Variants in TRAF7 observed in about 807,000 individuals in gnomAD.
The protein encoded by TRAF7 is E3 ubiquitin-protein ligase TRAF7.
A neutral mutation model predicts 89.3 loss-of-function variants in TRAF7; 45 were observed. The observed-to-expected ratio is 0.50, with a 90% CI of 0.40 to 0.65. The LOEUF (loss-of-function observed/expected upper bound fraction) is 0.65, where lower values mean the gene tolerates loss of function less well. Ranked by LOEUF, TRAF7 falls within the 30% of genes least tolerant of loss-of-function variation. TRAF7 has a pLI of 0.00. For missense variants in TRAF7, 677 were observed against 918.1 expected, an observed-to-expected ratio of 0.74 and a Z score of 3.39; for synonymous variants, 406 against 369.2, an observed-to-expected ratio of 1.10 and a Z score of -1.14.
Position 2,173,322 on chromosome 16 carries a change from T to C in TRAF7, c.935T>C (p.Ile312Thr). 1 of 1,613,222 alleles carries C rather than the reference T, an allele frequency of 6.2e-7. No individual in the cohort carries two copies. The highest frequency in any genetic ancestry group is 8.5e-7 in the Non-Finnish European group (1 of 1,179,936). ...HVALAQKDQE[I>T]AFLRSMLGKL... ...GCTCTGGCCCAGAAGGACCAGGAGATCGCCTTCCTGCGCTCCATGCTGGGA... is the reference window on the plus strand; with the variant it reads ...GCTCTGGCCCAGAAGGACCAGGAGACCGCCTTCCTGCGCTCCATGCTGGGA... The change falls in exon 10 of 21, where the codon ATC becomes ACC. Residue 312 changes from isoleucine to threonine, a missense_variant. Physicochemically the swap from Ile to Thr is moderately conservative, Grantham distance 89. Coordinates refer to ENST00000326181, the MANE Select transcript of TRAF7 (RefSeq NM_032271.3).
Position 2,176,722 on chromosome 16 carries a change from C to T in TRAF7, c.*148C>T. On this transcript the variant is annotated 3_prime_UTR_variant, in exon 21 of 21. Coordinates refer to ENST00000326181, the MANE Select transcript of TRAF7 (RefSeq NM_032271.3). ...GCAGCCGGGCAGTGCCCTCCCCGTCCCATGCTCGGCGAGCCTCCCTCTACT... is the reference window on the plus strand; with the variant it reads ...GCAGCCGGGCAGTGCCCTCCCCGTCTCATGCTCGGCGAGCCTCCCTCTACT... 1 of 1,184,122 alleles carries T rather than the reference C, an allele frequency of 8.4e-7. No individual in the cohort carries two copies. Among genetic ancestry groups the T allele is most frequent in the Non-Finnish European group, 1.2e-6 (1 of 821,398 alleles). The allele number at this position is 1,184,122 out of a possible 1,614,324, so 73.4% of individuals were successfully genotyped here.
chr16:2,172,975 C>T (rs954152610), intron 9 of TRAF7, among the ~76,000 whole-genome samples: 2 of 151,918 alleles, frequency 1.3e-5, no homozygotes, highest in Admixed American at 6.6e-5. Context: ...CCTTGAAGAG[C>T]TCTGCGGGGG....
chr16:2,170,529 G>T, intron 4 of TRAF7, 85 bp from the exon 5 acceptor site: 1 of 1,017,294 alleles, frequency 9.8e-7, no homozygotes, highest in Admixed American at 1.9e-5. Flanking sequence ...TGCTGCCCTC[G>T]CGCTTCCGCC....
Position 2,173,273 on chromosome 16 carries a change from G to A in TRAF7, c.886G>A (p.Asp296Asn). 1 of 1,613,540 alleles carries A rather than the reference G, an allele frequency of 6.2e-7. No homozygotes were observed. Among genetic ancestry groups the A allele is most frequent in the Non-Finnish European group, 8.5e-7 (1 of 1,180,008 alleles). ...GLKEFLQQTD[D>N]RFHEMHVALA... is the part of the protein sequence containing the mutation. ...GAAGGAGTTTCTGCAGCAGACGGAT[G>A]ACCGCTTCCACGAGATGCACGTGGC... Residue 296 changes from aspartate to asparagine, a missense_variant, in exon 10 of 21, where the codon GAC becomes AAC. Asp to Asn is a conservative substitution (Grantham distance 23). This residue lies in a region of TRAF7 where 238 missense variants were observed against 352.6 expected (regional missense o/e 0.67). Coordinates refer to ENST00000326181, the MANE Select transcript of TRAF7 (RefSeq NM_032271.3).
At chr16:2,157,961 C>T (rs2093042365) in intron 1 of TRAF7, among the ~76,000 whole-genome samples, 1 of 152,190 alleles carries the variant, frequency 6.6e-6, no homozygotes, top group African/African-American at 2.4e-5. Flanking sequence ...CTCTCGGCTC[C>T]TTCCAGACAG....
chr16:2,171,447 C>G (rs2093110167), intron 6 of TRAF7, 91 bp downstream of exon 6: 1 of 1,545,316 alleles, frequency 6.5e-7, no homozygotes, highest in East Asian at 2.4e-5. Context: ...GCGCCCTGGC[C>G]TTGGTCAAGG....
In TRAF7 at chr16:2,175,169, CG is replaced by C. The variant is rs777744309; in HGVS notation, c.1386+22del. ...CATCATTGTGAGTGGGGCCTACAGGCGGGTGGGCAGGAGGCGGCCCAGGCCC... is the reference window on the plus strand; with the variant it reads ...CATCATTGTGAGTGGGGCCTACAGGCGGTGGGCAGGAGGCGGCCCAGGCCC... On this transcript the variant is annotated intron_variant, in intron 15 of 20. Transcript: ENST00000326181. 1 of 1,613,404 alleles carries C rather than the reference CG, an allele frequency of 6.2e-7. No homozygotes were observed. Among genetic ancestry groups the C allele is most frequent in the African/African-American group, 1.3e-5 (1 of 75,046 alleles).
At chr16:2,174,213 G>T (rs746775500) in intron 13 of TRAF7, 38 bp from the exon 14 acceptor site, 2 of 1,606,668 alleles carry the variant, frequency 1.2e-6, no homozygotes, top group Admixed American at 1.7e-5. Context: ...ACACTGGGCT[G>T]ACCTTGCTGG....
chr16:2,165,845 G>T (rs376882349), intron 2 of TRAF7, 34 bp from the exon 3 acceptor site: 3 of 1,613,650 alleles, frequency 1.9e-6, no homozygotes, highest in South Asian at 1.1e-5. Flanking sequence ...TTGTGTCCCG[G>T]AATGAGGCCA....
rs1308788546 is a variant in TRAF7, at chr16:2,158,410, C to T, written c.-39+2552C>T. On this transcript the variant is annotated intron_variant, in intron 1 of 20. Coordinates refer to ENST00000326181, the MANE Select transcript of TRAF7 (RefSeq NM_032271.3). The surrounding 1 kb of genome is among the most constrained non-coding windows in gnomAD (Gnocchi z 4.7). ...GCTGGTCACGTGTAGACCCGGACACCCTCACCCGGCTGGAGGAAGCCGGCT... is the reference window on the plus strand; with the variant it reads ...GCTGGTCACGTGTAGACCCGGACACTCTCACCCGGCTGGAGGAAGCCGGCT... Among the ~76,000 whole-genome samples the T allele has an allele frequency of 1.3e-5, 2 of 152,264 alleles. No individual in the cohort carries two copies. The highest frequency in any genetic ancestry group is 1.9e-4 in the East Asian group (1 of 5,168).
Position 2,168,331 on chromosome 16 carries a change from G to A in TRAF7, c.231+163G>A, listed in dbSNP as rs2093095112. 3.4e-6 allele frequency: 2 copies of A among 590,566 alleles called. No individual in the cohort carries two copies. Among genetic ancestry groups the A allele is most frequent in the South Asian group, 2.1e-5 (1 of 47,984 alleles). The allele number at this position is 590,566 out of a possible 1,614,324, so 36.6% of individuals were successfully genotyped here. Reference sequence around the variant, plus strand: ...GCCTCGGCAGACATGGCAAGTCTGTGAGAAAGGAGGCTCCTGTGGCTGGAC... The same window carrying A: ...GCCTCGGCAGACATGGCAAGTCTGTAAGAAAGGAGGCTCCTGTGGCTGGAC... On this transcript the variant is annotated intron_variant, in intron 4 of 20. Coordinates refer to ENST00000326181, the MANE Select transcript of TRAF7 (RefSeq NM_032271.3). The surrounding 1 kb of genome is among the most constrained non-coding windows in gnomAD (Gnocchi z 4.1).
rs757638568 is a variant in TRAF7 at position 2,168,998 on chromosome 16, T to A, written c.231+830T>A. Among the ~76,000 whole-genome samples, 19 of 152,184 alleles carry A rather than the reference T, an allele frequency of 1.2e-4. No homozygotes were observed. Among genetic ancestry groups the A allele is most frequent in the Non-Finnish European group, 2.5e-4 (17 of 68,028 alleles). On this transcript the variant is annotated intron_variant, in intron 4 of 20. Transcript: ENST00000326181. The surrounding 1 kb of genome is among the most constrained non-coding windows in gnomAD (Gnocchi z 4.1). ...CCTTTTCTTTTTTCCTTTTTTCTTT[T>A]TTTTGAGACGGACTTTTGCTCTTGC...
intron 4 of TRAF7, among the ~76,000 whole-genome samples, chr16:2,169,619 A>G (rs1005987407): frequency 6.6e-6 from 1 of 152,154 alleles, no homozygotes; most frequent in Non-Finnish European, 1.5e-5. Flanking sequence ...AGTATTGGGC[A>G]GGCCCGGGAG....
At position 2,170,860 on chromosome 16, in the gene TRAF7, G is replaced by T. The variant is rs376478546; in HGVS notation, c.348+130G>T. On this transcript the variant is annotated intron_variant, in intron 5 of 20. Transcript: ENST00000326181. ...GGGCGGCTGGGGCCTGACGGGAACT[G>T]CAGTGCTTGCTGGTCCGTGGTGGGG... 4.6e-6 allele frequency: 4 copies of T among 866,568 alleles called. No homozygotes were observed. The African/African-American group carries it at 6.7e-5, about 14-fold the overall frequency. 53.7% of individuals were successfully genotyped at this position (866,568 alleles called of 1,614,324 possible). A position where few individuals can be genotyped will look rare whatever the true frequency, so the allele number is the denominator to read the frequency against.
rs748002027 is a variant in TRAF7, at chr16:2,161,305, A to G, written c.-38-2578A>G. 1.6e-4 allele frequency among the ~76,000 whole-genome samples: 24 copies of G among 149,834 alleles called. No homozygotes were observed. The highest frequency in any genetic ancestry group is 3.4e-4 in the Non-Finnish European group (23 of 67,546). ...CGATGGGGTCTTGCGCACACCCCACAGATCCTGTGGTGTTGTCCCCGTGGC... is the reference window on the plus strand; with the variant it reads ...CGATGGGGTCTTGCGCACACCCCACGGATCCTGTGGTGTTGTCCCCGTGGC... On this transcript the variant is annotated intron_variant, in intron 1 of 20. Coordinates refer to ENST00000326181, the MANE Select transcript of TRAF7 (RefSeq NM_032271.3). This position sits in a 1 kb window ranked among gnomAD's most constrained non-coding sequence, Gnocchi z 5.2.
chr16:2,176,455 G>A (rs762676571), intron 20 of TRAF7, 71 bp downstream of exon 20: 224 of 1,612,588 alleles, frequency 1.4e-4, no homozygotes, highest in Non-Finnish European at 1.8e-4. Context: ...CGAGGAGCTG[G>A]CAGCCCCAGC....
intron 12 of TRAF7, 23 bp downstream of exon 12, chr16:2,173,859 T>TTCCCCCCCCCCCCCCCCCCCCCC: frequency 1.3e-5 from 16 of 1,246,244 alleles, no homozygotes; most frequent in Admixed American, 4.0e-5. Flanking sequence ...CCGCCGTGGC[T>TTCCCCCCCCCCCCCCCCCCCCCC]CCCGCCCACC....
At chr16:2,167,074 G>T (rs1253218160) in intron 3 of TRAF7, among the ~76,000 whole-genome samples, 1 of 152,176 alleles carries the variant, frequency 6.6e-6, no homozygotes, top group East Asian at 1.9e-4. Context: ...CCCCTCAGGG[G>T]CTCTCCAGGG....
At chr16:2,173,858 C>CGGGGCGG in intron 12 of TRAF7, 22 bp downstream of exon 12, 1 of 1,599,260 alleles carries the variant, frequency 6.3e-7, no homozygotes, top group Non-Finnish European at 8.5e-7. Flanking sequence ...CCCGCCGTGG[C>CGGGGCGG]TCCCGCCCAC....
Sources: allele counts gnomAD v4.1 joint callset (sites outside exome capture counted in the v4.1 genomes callset), GRCh38; gene constraint gnomAD v4.1.1; regional missense constraint gnomAD v4.1.1; non-coding constraint Gnocchi (gnomAD v3.1); transcripts MANE v1.5; gene names NCBI Gene and HGNC (gene_info 2026-07-23, HGNC 2026-07-21).